Variants in FAM227B observed in about 807,000 individuals in gnomAD.
The protein encoded by FAM227B is protein FAM227B.
Under a neutral mutation model 73.8 loss-of-function variants are expected in FAM227B, and 88 were observed. That is an observed-to-expected ratio of 1.19 (90% confidence interval 1.00 to 1.42). FAM227B has a LOEUF of 1.42. Among genes scored for constraint, FAM227B ranks in the 40% most tolerant of loss-of-function variants. The pLI is 0.00. For synonymous variants in FAM227B, 210 were observed against 190.5 expected (o/e 1.10, Z -0.84); for missense variants, 632 against 590.9 (o/e 1.07, Z -0.72).
At chr15:49,482,590 T>G (rs1372122984) in intron 11 of FAM227B, among the ~76,000 whole-genome samples, 1 of 152,006 alleles carries the variant, frequency 6.6e-6, no homozygotes, top group East Asian at 1.9e-4. Flanking sequence ...AAGATAAAGT[T>G]TATCCAAATA....
chr15:49,483,036 A>G lies in FAM227B; in HGVS notation c.1012+25175T>C, dbSNP rs1483325009. ...GGGGTCTTGGGCTGAGTAAATAATC[A>G]CATTAAAAATTTTAAAAACTTCCGA... On this transcript the variant is annotated intron_variant, in intron 11 of 15. Coordinates refer to ENST00000299338, the MANE Select transcript of FAM227B (RefSeq NM_152647.3). 7.1e-6 allele frequency: 5 copies of G among 706,300 alleles called. No individual in the cohort carries two copies. In the Admixed American group the frequency reaches 9.8e-5, roughly 14 times the overall value. The allele number at this position is 706,300 out of a possible 1,614,324, so 43.8% of individuals were successfully genotyped here. A position where few individuals can be genotyped will look rare whatever the true frequency, so the allele number is the denominator to read the frequency against.
At chr15:49,407,650 T>G (rs1290493187) in intron 11 of FAM227B, among the ~76,000 whole-genome samples, 3 of 147,820 alleles carry the variant, frequency 2.0e-5, no homozygotes, top group Non-Finnish European at 3.0e-5. Context: ...ATATATTATA[T>G]TATTATTATA....
intron 10 of FAM227B, among the ~76,000 whole-genome samples, chr15:49,534,891 C>A (rs1419486635): frequency 2.6e-5 from 4 of 151,090 alleles, no homozygotes; most frequent in African/African-American, 7.3e-5. Flanking sequence ...AAAATCGGAA[C>A]AAAGGAAAAT....
rs1219709359 is a variant in FAM227B at position 49,443,396 on chromosome 15, GGCT to G, written c.1012+64812_1012+64814del. Among the ~76,000 whole-genome samples the G allele has an allele frequency of 2.1e-4, 32 of 151,272 alleles. No individual in the cohort carries two copies. The East Asian group carries it at 4.1e-3, about 19-fold the overall frequency. On this transcript the variant is annotated intron_variant, in intron 11 of 15. Transcript: ENST00000299338. ...CTCTGTTCAGTGATGTTTTGTTGGT[GGCT>G]TGGACCCAACTATGATAAGAGCACC... is the stretch of plus-strand genomic sequence containing the variant.
At chr15:49,611,765 A>T (rs974634562) in intron 2 of FAM227B, among the ~76,000 whole-genome samples, 1 of 152,242 alleles carries the variant, frequency 6.6e-6, no homozygotes, top group Non-Finnish European at 1.5e-5. Flanking sequence ...TGTATTCAAC[A>T]TTACACAAAC....
intron 9 of FAM227B, among the ~76,000 whole-genome samples, chr15:49,566,887 G>A (rs1045424968): frequency 6.6e-6 from 1 of 152,166 alleles, no homozygotes; most frequent in Non-Finnish European, 1.5e-5. Flanking sequence ...TTTGAGAGAA[G>A]TTGTAAGTAT....
Position 49,508,333 on chromosome 15 carries a change from T to C in FAM227B, c.890A>G (p.Lys297Arg). ...CAGTTTCCAGTGGATCCAAAAGCCT[T>C]TTTGAGGTTTTAAACCTGTTAATAT... The part of the protein sequence containing the change: ...FLWCSGLKPQ[K>R]GFWIHWKLKE... Residue 297 changes from lysine (K) to arginine (R), a missense_variant, in exon 11 of 16, where the codon AAA (lysine) becomes AGA (arginine). Physicochemically the swap from Lys to Arg is conservative, Grantham distance 26. Coordinates refer to ENST00000299338, the MANE Select transcript of FAM227B (RefSeq NM_152647.3). The C allele has an allele frequency of 6.3e-7, 1 of 1,598,940 alleles. No homozygotes were observed. Among genetic ancestry groups the C allele is most frequent in the Non-Finnish European group, 8.5e-7 (1 of 1,175,210 alleles).
chr15:49,513,045 A>C (rs947658531), intron 10 of FAM227B, among the ~76,000 whole-genome samples: 2 of 152,264 alleles, frequency 1.3e-5, no homozygotes, highest in Non-Finnish European at 2.9e-5. Flanking sequence ...TGATATTGTG[A>C]ATAGTGCTGC....
At chr15:49,393,807 G>A (rs1304232842) in intron 11 of FAM227B, among the ~76,000 whole-genome samples, 1 of 152,062 alleles carries the variant, frequency 6.6e-6, no homozygotes, top group African/African-American at 2.4e-5. Flanking sequence ...TCATTTGCAA[G>A]AAACAAACAG....
rs528665975 is a variant in FAM227B at position 49,609,995 on chromosome 15, A to G, written c.105+1220T>C. ...TGCATACAAAGATGATACTACTGAC[A>G]TACTATTAATAAGACATGGTTTGAT... is the stretch of plus-strand genomic sequence containing the variant. On this transcript the variant is annotated intron_variant, in intron 3 of 15. Coordinates refer to ENST00000299338, the MANE Select transcript of FAM227B (RefSeq NM_152647.3). 3.3e-5 allele frequency among the ~76,000 whole-genome samples: 5 copies of G among 152,096 alleles called. No homozygotes were observed. The South Asian group carries it at 1.0e-3, about 31-fold the overall frequency.
At chr15:49,492,812 A>C (rs1012311750) in intron 11 of FAM227B, among the ~76,000 whole-genome samples, 4 of 151,914 alleles carry the variant, frequency 2.6e-5, no homozygotes, top group African/African-American at 9.7e-5. Context: ...ATGTGGTTTA[A>C]AAAATTATCT....
Position 49,499,089 on chromosome 15 carries a change from C to T in FAM227B, c.1012+9122G>A, listed in dbSNP as rs1272216578. 5.5e-3 allele frequency among the ~76,000 whole-genome samples: 806 copies of T among 146,862 alleles called. 8 individuals carry two copies. Among genetic ancestry groups the T allele is most frequent in the African/African-American group, 0.019 (772 of 39,882 alleles). Reference sequence around the variant, plus strand: ...GCTGAGGCAGGAGAATGGCGTGAACCCGGGAGGCGGAGCTTGCAGTGAGCC... The same window carrying T: ...GCTGAGGCAGGAGAATGGCGTGAACTCGGGAGGCGGAGCTTGCAGTGAGCC... On this transcript the variant is annotated intron_variant, in intron 11 of 15. Coordinates refer to ENST00000299338, the MANE Select transcript of FAM227B (RefSeq NM_152647.3).
At chr15:49,501,336 G>C (rs954968147) in intron 11 of FAM227B, among the ~76,000 whole-genome samples, 3 of 152,262 alleles carry the variant, frequency 2.0e-5, no homozygotes, top group East Asian at 3.9e-4. Flanking sequence ...AGGCTGATGA[G>C]GTCTCAGATG....
At chr15:49,377,738 C>G (rs2046262569) in intron 11 of FAM227B, among the ~76,000 whole-genome samples, 1 of 152,056 alleles carries the variant, frequency 6.6e-6, no homozygotes. Context: ...TACTTGAGCT[C>G]CTTATATACC....
chr15:49,412,055 T>C (rs532915170), intron 11 of FAM227B, among the ~76,000 whole-genome samples: 1 of 152,244 alleles, frequency 6.6e-6, no homozygotes, highest in Admixed American at 6.5e-5. Flanking sequence ...AAGCAATATT[T>C]CGTCTAAAAC....
In FAM227B at chr15:49,503,518, T is replaced by C. The variant is rs1270273263; in HGVS notation, c.1012+4693A>G. Among the ~76,000 whole-genome samples, 5 of 152,152 alleles carry C rather than the reference T, an allele frequency of 3.3e-5. No individual in the cohort carries two copies. In the East Asian group the frequency reaches 9.7e-4, roughly 30 times the overall value. ...ACAGAATGGGAGAAAATTTCTGCAA[T>C]CTACTCATCTGACAAAGGGCTAATA... is the stretch of plus-strand genomic sequence containing the variant. On this transcript the variant is annotated intron_variant, in intron 11 of 15. Transcript: ENST00000299338.
intron 13 of FAM227B, chr15:49,354,053 T>A (rs926204901): frequency 2.6e-5 from 4 of 152,124 alleles, no homozygotes; most frequent in East Asian, 1.9e-4. Flanking sequence ...TCAGAGTTCT[T>A]TTTTTCACTG....
intron 11 of FAM227B, among the ~76,000 whole-genome samples, chr15:49,383,048 A>G (rs1162509409): frequency 3.3e-5 from 5 of 152,200 alleles, no homozygotes; most frequent in South Asian, 4.1e-4. Context: ...GTGCATAAAC[A>G]TTTTGAGGTG....
intron 11 of FAM227B, among the ~76,000 whole-genome samples, chr15:49,471,704 T>C (rs1320553428): frequency 6.6e-6 from 1 of 152,052 alleles, no homozygotes; most frequent in Non-Finnish European, 1.5e-5. Context: ...TCATGCTTTA[T>C]GTAACAATAA....
Sources: allele counts gnomAD v4.1 joint callset (sites outside exome capture counted in the v4.1 genomes callset), GRCh38; gene constraint gnomAD v4.1.1; transcripts MANE v1.5; gene names NCBI Gene and HGNC (gene_info 2026-07-23, HGNC 2026-07-21).